Variants in RALGPS2 observed in about 807,000 individuals in gnomAD.
RALGPS2 encodes ras-specific guanine nucleotide-releasing factor RalGPS2.
A neutral mutation model predicts 86.8 loss-of-function variants in RALGPS2; 43 were observed. The ratio of observed to expected loss-of-function variants is 0.50; its 90% confidence interval spans 0.39 to 0.64. The LOEUF is 0.64. Among genes scored for constraint, RALGPS2 ranks in the 30% least tolerant of loss-of-function variants. The pLI is 0.00. For missense variants in RALGPS2, 536 were observed against 694.6 expected (o/e 0.77, Z 2.57); for synonymous variants, 243 against 231.3 (o/e 1.05, Z -0.46).
intron 1 of RALGPS2, among the ~76,000 whole-genome samples, chr1:178,732,917 G>T (rs74868865): frequency 0.041 from 6,250 of 151,992 alleles, 171 homozygotes; most frequent in African/African-American, 0.071. Flanking sequence ...TCACCCACAC[G>T]GCTGAATTTG....
chr1:178,855,970 C>T (rs1657510692), intron 8 of RALGPS2, among the ~76,000 whole-genome samples: 1 of 147,140 alleles, frequency 6.8e-6, no homozygotes, highest in African/African-American at 2.5e-5. Flanking sequence ...AATATAAGAA[C>T]AAAAAAGTAA....
At chr1:178,837,997 G>A (rs1367768406) in intron 8 of RALGPS2, among the ~76,000 whole-genome samples, 1 of 152,112 alleles carries the variant, frequency 6.6e-6, no homozygotes, top group Non-Finnish European at 1.5e-5. Flanking sequence ...ATCCGCCATT[G>A]CTGAGGCTTG....
intron 4 of RALGPS2, among the ~76,000 whole-genome samples, chr1:178,806,581 C>T (rs553996144): frequency 6.6e-6 from 1 of 152,214 alleles, no homozygotes; most frequent in East Asian, 1.9e-4. Context: ...AACTCTTCTA[C>T]TGACTTTCAA....
intron 1 of RALGPS2, among the ~76,000 whole-genome samples, chr1:178,759,831 AT>A (rs1006834881): frequency 9.9e-5 from 15 of 151,302 alleles, no homozygotes; most frequent in African/African-American, 3.6e-4. Flanking sequence ...TATGTATTTA[AT>A]TTTTTTTGTG....
intron 1 of RALGPS2, among the ~76,000 whole-genome samples, chr1:178,736,438 AAGATGT>A (rs1441852032): frequency 6.6e-6 from 1 of 152,016 alleles, no homozygotes; most frequent in African/African-American, 2.4e-5. Context: ...GCTGGGATTA[AAGATGT>A]GAGCCACTAC....
chr1:178,734,849 C>G (rs1259956613), intron 1 of RALGPS2, among the ~76,000 whole-genome samples: 2 of 152,118 alleles, frequency 1.3e-5, no homozygotes, highest in African/African-American at 2.4e-5. Flanking sequence ...ATAGCAAGAT[C>G]TCAGTTATGT....
At chr1:178,794,385 AT>A (rs1654095909) in intron 4 of RALGPS2, among the ~76,000 whole-genome samples, 1 of 152,174 alleles carries the variant, frequency 6.6e-6, no homozygotes, top group Non-Finnish European at 1.5e-5. Context: ...AAGTGCTGGG[AT>A]TACAGGTGTG....
intron 1 of RALGPS2, among the ~76,000 whole-genome samples, chr1:178,731,551 G>A (rs1223262091): frequency 1.3e-5 from 2 of 152,062 alleles, no homozygotes; most frequent in African/African-American, 4.8e-5. Context: ...TCAGAGTGCT[G>A]GGATTACAGG....
At chr1:178,868,044 C>T in intron 8 of RALGPS2, among the ~76,000 whole-genome samples, 1 of 151,954 alleles carries the variant, frequency 6.6e-6, no homozygotes, top group Non-Finnish European at 1.5e-5. Context: ...ATAGGGAGGA[C>T]ATAACAATCT....
intron 1 of RALGPS2, among the ~76,000 whole-genome samples, chr1:178,735,819 TA>T (rs1406506399): frequency 1.3e-5 from 2 of 152,266 alleles, no homozygotes; most frequent in East Asian, 3.9e-4. Flanking sequence ...TTTCTGGGGA[TA>T]ATTGTATTGC....
At chr1:178,857,735 A>G (rs1572411643) in intron 8 of RALGPS2, among the ~76,000 whole-genome samples, 2 of 152,280 alleles carry the variant, frequency 1.3e-5, no homozygotes. Context: ...TCATTTGAGT[A>G]TAGTTTTGAC....
At chr1:178,883,656 T>A in intron 11 of RALGPS2, 123 bp downstream of exon 11, 1 of 788,800 alleles carries the variant, frequency 1.3e-6, no homozygotes, top group African/African-American at 1.8e-5. Flanking sequence ...ATTTTGATAT[T>A]AAAATCTGTC....
intron 2 of RALGPS2, among the ~76,000 whole-genome samples, chr1:178,783,730 G>T (rs762652316): frequency 2.7e-4 from 41 of 152,022 alleles, no homozygotes; most frequent in Non-Finnish European, 5.6e-4. Flanking sequence ...ATGTTCCTCT[G>T]AATTTAGCCA....
chr1:178,879,134 T>C (rs1050359681), intron 10 of RALGPS2, 142 bp downstream of exon 10: 36 of 1,178,760 alleles, frequency 3.1e-5, no homozygotes, highest in Non-Finnish European at 3.9e-5. Flanking sequence ...GGTACTAACA[T>C]GTATTACTTC....
intron 1 of RALGPS2, among the ~76,000 whole-genome samples, chr1:178,769,886 C>G (rs1382807759): frequency 6.6e-6 from 1 of 152,126 alleles, no homozygotes; most frequent in African/African-American, 2.4e-5. Context: ...AGGCTCTCTG[C>G]CTTTCTTGCA....
chr1:178,894,963 T>A (rs1252235873), intron 16 of RALGPS2, among the ~76,000 whole-genome samples: 2 of 152,046 alleles, frequency 1.3e-5, no homozygotes, highest in Non-Finnish European at 2.9e-5. Flanking sequence ...AAATGGAATT[T>A]GATTGTGTTT....
At chr1:178,773,648 T>A (rs1426490158) in intron 1 of RALGPS2, among the ~76,000 whole-genome samples, 1 of 151,908 alleles carries the variant, frequency 6.6e-6, no homozygotes, top group Admixed American at 6.6e-5. Context: ...TACAAAAAAT[T>A]AGCCGGGCGT....
At chr1:178,865,392 G>A (rs751800080) in intron 8 of RALGPS2, 14 of 1,613,882 alleles carry the variant, frequency 8.7e-6, no homozygotes, top group African/African-American at 2.7e-5. Context: ...TGAGTAACAC[G>A]AGAGTTCATG....
At chr1:178,792,486 G>A (rs947817166) in intron 4 of RALGPS2, among the ~76,000 whole-genome samples, 6 of 152,046 alleles carry the variant, frequency 3.9e-5, no homozygotes, top group African/African-American at 4.8e-5. Context: ...GCTATTACAC[G>A]GCTGCAGCTC....
Sources: gnomAD v4.1 joint callset for allele counts (sites outside exome capture counted in the v4.1 genomes callset) on GRCh38, gnomAD v4.1.1 for gene constraint, MANE v1.5 for transcripts, NCBI Gene and HGNC (gene_info 2026-07-23, HGNC 2026-07-21) for gene names.